Variants in KBTBD11 observed in about 807,000 individuals in gnomAD.
The protein encoded by KBTBD11 is kelch repeat and BTB domain containing 11, also known as kelch repeat and BTB domain-containing protein 11.
For synonymous variants in KBTBD11, 747 were observed against 499.0 expected (o/e 1.50, Z -6.63); for missense variants, 1,390 against 1,001.8 (o/e 1.39, Z -5.23).
Position 2,001,419 on chromosome 8 carries a change from G to T in KBTBD11, c.227G>T (p.Arg76Leu). 7.3e-7 allele frequency: 1 copy of T among 1,373,980 alleles called. No individual in the cohort carries two copies. Among genetic ancestry groups the T allele is most frequent in the South Asian group, 1.7e-5 (1 of 59,790 alleles). 85.1% of individuals were successfully genotyped at this position (1,373,980 alleles called of 1,614,324 possible). Residue 76 changes from arginine (R) to leucine (L), a missense_variant, in exon 2 of 2, where the codon CGG becomes CTG. By Grantham distance (102) the Arg-to-Leu change is moderately radical. Coordinates refer to ENST00000320248, the MANE Select transcript of KBTBD11 (RefSeq NM_014867.3). ...PSSGGPRVVE[R>L]QWEAGSAGAA... ...AGCGGTGGCCCGCGGGTGGTGGAGC[G>T]GCAGTGGGAGGCCGGCAGCGCGGGC...
intron 1 of KBTBD11, among the ~76,000 whole-genome samples, chr8:1,979,333 T>TA (rs1222990488): frequency 2.0e-5 from 3 of 152,176 alleles, no homozygotes; most frequent in Non-Finnish European, 4.4e-5. Flanking sequence ...ATCATGTCTT[T>TA]AAAAAACACC....
At chr8:1,996,391 T>C (rs1235132423) in intron 1 of KBTBD11, among the ~76,000 whole-genome samples, 5 of 152,188 alleles carry the variant, frequency 3.3e-5, no homozygotes, top group African/African-American at 9.7e-5. Flanking sequence ...CTCAGCTTTC[T>C]GAGTAGCTGA....
In KBTBD11 at chr8:2,004,836, A is replaced by C. The variant is rs1817523270; in HGVS notation, c.*1772A>C. 6.0e-6 allele frequency: 1 copy of C among 167,100 alleles called. No individual in the cohort carries two copies. The highest frequency in any genetic ancestry group is 1.9e-4 in the East Asian group (1 of 5,208). 10.4% of individuals were successfully genotyped at this position (167,100 alleles called of 1,614,324 possible). ...TAGAAACAGTATTTACAGCAAAAGG[A>C]AACAAATAATGTTCATTTTAAGCAA... On this transcript the variant is annotated 3_prime_UTR_variant, in exon 2 of 2. Coordinates refer to ENST00000320248, the MANE Select transcript of KBTBD11 (RefSeq NM_014867.3).
intron 1 of KBTBD11, among the ~76,000 whole-genome samples, chr8:1,991,091 G>A (rs1013241782): frequency 5.5e-5 from 8 of 145,276 alleles, no homozygotes; most frequent in Non-Finnish European, 1.2e-4. Context: ...CGCCCTGTCC[G>A]GGTAGATGCT....
intron 1 of KBTBD11, among the ~76,000 whole-genome samples, chr8:1,976,975 A>C (rs972330084): frequency 6.6e-6 from 1 of 152,144 alleles, no homozygotes; most frequent in Non-Finnish European, 1.5e-5. Flanking sequence ...GGAGCTTCAC[A>C]CTTTAGAGCA....
At chr8:1,982,471 T>TA (rs971215764) in intron 1 of KBTBD11, among the ~76,000 whole-genome samples, 27 of 147,372 alleles carry the variant, frequency 1.8e-4, no homozygotes, top group East Asian at 1.6e-3. Context: ...ATGAATGGGT[T>TA]AAAAAAACAT....
At chr8:1,979,822 C>T (rs943714967) in intron 1 of KBTBD11, among the ~76,000 whole-genome samples, 1 of 152,252 alleles carries the variant, frequency 6.6e-6, no homozygotes, top group Non-Finnish European at 1.5e-5. Flanking sequence ...AGCCTCGGGA[C>T]AGGGCTCGGG....
In KBTBD11 at chr8:1,985,024, A is replaced by G. The variant is rs147392384; in HGVS notation, c.-909+11089A>G. Among the ~76,000 whole-genome samples the G allele has an allele frequency of 2.0e-3, 310 of 152,312 alleles. 1 individual carries two copies. Among genetic ancestry groups the G allele is most frequent in the African/African-American group, 7.3e-3 (305 of 41,560 alleles). ...CAGTCTGATCAGGTATTGCATTCTC[A>G]TGCTCTAAGGGGCATCCACAGTATG... is the stretch of plus-strand genomic sequence containing the variant. On this transcript the variant is annotated intron_variant, in intron 1 of 1. Transcript: ENST00000320248.
At chr8:1,992,567 G>A (rs556436994) in intron 1 of KBTBD11, among the ~76,000 whole-genome samples, 1 of 151,878 alleles carries the variant, frequency 6.6e-6, no homozygotes, top group East Asian at 1.9e-4. Flanking sequence ...TTAAAATCAT[G>A]CCTGTTCATA....
chr8:1,990,473 C>T (rs1816875046), intron 1 of KBTBD11, among the ~76,000 whole-genome samples: 2 of 112,926 alleles, frequency 1.8e-5, no homozygotes, highest in African/African-American at 6.9e-5. Context: ...CGGGTAGATG[C>T]TGCTGGGACT....
intron 1 of KBTBD11, among the ~76,000 whole-genome samples, chr8:1,997,867 G>A (rs1184699061): frequency 2.0e-5 from 3 of 152,352 alleles, no homozygotes; most frequent in African/African-American, 7.2e-5. Flanking sequence ...CAGGGGGACG[G>A]CGGCAACGAC....
In KBTBD11 at chr8:2,002,980, C is replaced by T. The variant is rs1215890018; in HGVS notation, c.1788C>T (p.Ala596=). 3.8e-6 allele frequency: 5 copies of T among 1,309,916 alleles called. No individual in the cohort carries two copies. The African/African-American group carries it at 4.6e-5, about 12-fold the overall frequency. 81.1% of individuals were successfully genotyped at this position (1,309,916 alleles called of 1,614,324 possible). ...GQGGGFEALG[A]PLDVRGVLIP... ...GCGGCGGCTTCGAGGCGCTGGGCGC[C>T]CCCTTGGACGTCCGGGGTGTGCTCA... Residue 596 remains alanine, a synonymous_variant, in exon 2 of 2, where the codon GCC becomes GCT. Coordinates refer to ENST00000320248, the MANE Select transcript of KBTBD11 (RefSeq NM_014867.3). This position sits in a 1 kb window ranked among gnomAD's most constrained non-coding sequence, Gnocchi z 4.1.
intron 1 of KBTBD11, among the ~76,000 whole-genome samples, chr8:1,976,863 C>T (rs572394830): frequency 1.3e-5 from 2 of 152,128 alleles, no homozygotes; most frequent in African/African-American, 4.8e-5. Context: ...GTGCAAAGGC[C>T]CTGTGGTGAG....
chr8:2,005,793 G>A lies in KBTBD11; in HGVS notation c.*2729G>A, dbSNP rs1358122348. On this transcript the variant is annotated 3_prime_UTR_variant, in exon 2 of 2. Transcript: ENST00000320248. The stretch of plus-strand genomic sequence containing the variant: ...TCGTGAAATTAACCCATACGCAGGG[G>A]CCTTTCCAAATGTCTGAAAAGGCAG... The A allele has an allele frequency of 6.0e-6, 1 of 167,096 alleles. No individual in the cohort carries two copies. The highest frequency in any genetic ancestry group is 1.5e-5 in the Non-Finnish European group (1 of 68,128). 10.4% of individuals were successfully genotyped at this position (167,096 alleles called of 1,614,324 possible).
In KBTBD11 at chr8:1,983,363, G is replaced by T. The variant is rs887780706; in HGVS notation, c.-909+9428G>T. On this transcript the variant is annotated intron_variant, in intron 1 of 1. Transcript: ENST00000320248. ...CCATACATCTGTCCCCAGTCACGAT[G>T]CTCCTTTTCCTGAAGTCCTGTCCCA... Among the ~76,000 whole-genome samples, 3 of 152,320 alleles carry T rather than the reference G, an allele frequency of 2.0e-5. No homozygotes were observed. In the South Asian group the frequency reaches 6.2e-4, roughly 32 times the overall value.
At chr8:1,995,536 G>A (rs774524140) in intron 1 of KBTBD11, among the ~76,000 whole-genome samples, 13 of 152,124 alleles carry the variant, frequency 8.5e-5, no homozygotes, top group Admixed American at 6.6e-4. Flanking sequence ...TGTGGATCAG[G>A]GCTGGGTGTG....
chr8:1,980,380 C>G (rs35332405), intron 1 of KBTBD11, among the ~76,000 whole-genome samples: 24,822 of 151,938 alleles, frequency 0.16, 4,280 homozygotes, highest in African/African-American at 0.44. Context: ...GCATGCATCA[C>G]CACGCCTGGC....
At chr8:1,974,602 C>A (rs1816258971) in intron 1 of KBTBD11, 1 of 984,818 alleles carries the variant, frequency 1.0e-6, no homozygotes, top group African/African-American at 1.8e-5. Flanking sequence ...AGCACCGCGA[C>A]CCACCCGCCC....
Position 1,973,834 on chromosome 8 carries a change from G to A in KBTBD11, c.-1010G>A, listed in dbSNP as rs1816206581. 2.0e-6 allele frequency: 2 copies of A among 983,106 alleles called. No homozygotes were observed. The highest frequency in any genetic ancestry group is 2.4e-6 in the Non-Finnish European group (2 of 829,100). The allele number at this position is 983,106 out of a possible 1,614,324, so 60.9% of individuals were successfully genotyped here. ...CGCAGGTGCTCGGAGAGGCCGGGCCGCGGCTCCCACAGGTGCCGGGAAGCG... is the reference window on the plus strand; with the variant it reads ...CGCAGGTGCTCGGAGAGGCCGGGCCACGGCTCCCACAGGTGCCGGGAAGCG... On this transcript the variant is annotated 5_prime_UTR_variant, in exon 1 of 2. Transcript: ENST00000320248.
Sources: gnomAD v4.1 joint callset for allele counts (sites outside exome capture counted in the v4.1 genomes callset) on GRCh38, gnomAD v4.1.1 for gene constraint, Gnocchi (gnomAD v3.1) non-coding constraint, MANE v1.5 for transcripts, NCBI Gene and HGNC (gene_info 2026-07-23, HGNC 2026-07-21) for gene names.